Variants in OSBPL1A observed in about 807,000 individuals in gnomAD.
OSBPL1A encodes the protein oxysterol-binding protein-related protein 1.
Under a neutral mutation model 137.1 loss-of-function variants are expected in OSBPL1A, and 80 were observed. That is an observed-to-expected ratio of 0.58 (90% CI 0.49 to 0.70). OSBPL1A has a LOEUF of 0.70. OSBPL1A is among the 30% of genes least tolerant of loss of function. The probability of loss-of-function intolerance (pLI) is 0.00; values close to 1 mark genes in which losing one functional copy is unlikely to be tolerated. For missense variants in OSBPL1A, 970 were observed against 1,129.4 expected, an observed-to-expected ratio of 0.86 and a Z score of 2.02; for synonymous variants, 365 against 389.7, an observed-to-expected ratio of 0.94 and a Z score of 0.75.
intron 15 of OSBPL1A, among the ~76,000 whole-genome samples, chr18:24,239,925 C>CTTTTTTTTTTTT (rs10699940): frequency 1.6e-5 from 2 of 125,624 alleles, no homozygotes; most frequent in Admixed American, 8.9e-5. Flanking sequence ...TCATTTTTCT[C>CTTTTTTTTTTTT]TTTTTTTTTT....
chr18:24,176,095 T>G (rs1490833823), intron 21 of OSBPL1A, among the ~76,000 whole-genome samples: 1 of 152,246 alleles, frequency 6.6e-6, no homozygotes, highest in African/African-American at 2.4e-5. Context: ...ATCAATTCTG[T>G]TCTTCCTTTT....
At chr18:24,257,732 G>A (rs1203344016) in intron 15 of OSBPL1A, among the ~76,000 whole-genome samples, 1 of 152,098 alleles carries the variant, frequency 6.6e-6, no homozygotes, top group Non-Finnish European at 1.5e-5. Flanking sequence ...CTACCCATCT[G>A]ACAAGGGATG....
At chr18:24,204,573 T>A (rs1599487013) in intron 17 of OSBPL1A, among the ~76,000 whole-genome samples, 2 of 135,664 alleles carry the variant, frequency 1.5e-5, no homozygotes, top group South Asian at 4.8e-4. Flanking sequence ...TTTTTTTTTT[T>A]AAACATGATG....
chr18:24,191,397 T>C (rs962742473), intron 18 of OSBPL1A, among the ~76,000 whole-genome samples: 1 of 152,204 alleles, frequency 6.6e-6, no homozygotes, highest in Non-Finnish European at 1.5e-5. Flanking sequence ...TGTCTATTAA[T>C]ATGAGCAAAG....
At chr18:24,380,839 C>T (rs1044574298) in intron 1 of OSBPL1A, among the ~76,000 whole-genome samples, 17 of 151,968 alleles carry the variant, frequency 1.1e-4, no homozygotes, top group African/African-American at 3.9e-4. Flanking sequence ...GTAATCCCAG[C>T]TACTTGGGAG....
chr18:24,377,283 T>C, intron 2 of OSBPL1A, 130 bp downstream of exon 2: 1 of 1,135,148 alleles, frequency 8.8e-7, no homozygotes, highest in East Asian at 2.7e-5. Context: ...TTTCCTCCAA[T>C]CTGTGGGGTT....
rs1347683374 is a variant in OSBPL1A at position 24,225,188 on chromosome 18, G to A, written c.1455C>T (p.Ser485=). ...CTTCCAATCTACTCAGGGACCTTTC[G>A]GACTCGGAATCTGTGGCAGAGCAGG... is the stretch of plus-strand genomic sequence containing the variant. The part of the protein sequence containing the change: ...EFYDALSDSE[S]ERSLSRLEAV... The change falls in exon 17 of 28, where the codon TCC becomes TCT. Residue 485 remains serine, a synonymous_variant. Coordinates refer to ENST00000319481, the MANE Select transcript of OSBPL1A (RefSeq NM_080597.4). 1.4e-5 allele frequency: 22 copies of A among 1,613,826 alleles called. No homozygotes were observed. Among genetic ancestry groups the A allele is most frequent in the Middle Eastern group, 1.6e-4 (1 of 6,084 alleles).
intron 1 of OSBPL1A, among the ~76,000 whole-genome samples, chr18:24,378,911 C>G (rs796822753): frequency 6.6e-6 from 1 of 151,406 alleles, no homozygotes; most frequent in African/African-American, 2.4e-5. Context: ...CCCACCCACT[C>G]TCTCAGTTTT....
intron 14 of OSBPL1A, among the ~76,000 whole-genome samples, chr18:24,301,912 A>G (rs1309380175): frequency 6.6e-6 from 1 of 152,210 alleles, no homozygotes; most frequent in Non-Finnish European, 1.5e-5. Context: ...GAGTTGACTA[A>G]AGGAAACTAA....
intron 17 of OSBPL1A, among the ~76,000 whole-genome samples, chr18:24,198,179 G>A (rs1440079264): frequency 6.6e-6 from 1 of 152,200 alleles, no homozygotes; most frequent in Non-Finnish European, 1.5e-5. Context: ...AAGAGGGAAT[G>A]AGGGCTGTCA....
At chr18:24,361,377 T>C (rs1250910647) in intron 4 of OSBPL1A, among the ~76,000 whole-genome samples, 1 of 152,230 alleles carries the variant, frequency 6.6e-6, no homozygotes, top group Admixed American at 6.5e-5. Context: ...AACTCTTGTT[T>C]ATATGCATTG....
At chr18:24,324,585 AAAACATGAATATGAATAT>A in intron 7 of OSBPL1A, among the ~76,000 whole-genome samples, 1 of 85,042 alleles carries the variant, frequency 1.2e-5, no homozygotes, top group Non-Finnish European at 2.4e-5. Flanking sequence ...ACTCCCAATA[AAAACATGAATATGAATAT>A]AAAAAAAAAA....
At chr18:24,289,287 T>C (rs937903024) in intron 14 of OSBPL1A, among the ~76,000 whole-genome samples, 10 of 152,190 alleles carry the variant, frequency 6.6e-5, no homozygotes, top group Non-Finnish European at 1.3e-4. Flanking sequence ...CCTCAACAAA[T>C]TCTACCTTAC....
chr18:24,269,723 A>G (rs1203676860), intron 15 of OSBPL1A, among the ~76,000 whole-genome samples: 1 of 152,152 alleles, frequency 6.6e-6, no homozygotes, highest in African/African-American at 2.4e-5. Flanking sequence ...CAGGCACTGC[A>G]TTCTATATTG....
chr18:24,196,328 C>G, intron 17 of OSBPL1A, 128 bp from the exon 18 acceptor site: 1 of 636,002 alleles, frequency 1.6e-6, no homozygotes, highest in South Asian at 1.9e-5. Context: ...TCATCACAGA[C>G]AGGGCTAAGC....
intron 7 of OSBPL1A, among the ~76,000 whole-genome samples, chr18:24,328,006 G>A (rs2146135555): frequency 6.8e-6 from 1 of 148,104 alleles, no homozygotes; most frequent in East Asian, 2.0e-4. Flanking sequence ...TCAAGTCTTT[G>A]GCAAACTGGT....
intron 7 of OSBPL1A, among the ~76,000 whole-genome samples, chr18:24,321,238 ACAG>A (rs2090848727): frequency 6.6e-6 from 1 of 152,168 alleles, no homozygotes. Context: ...TTATAGGTGC[ACAG>A]AGTTGTGCAA....
At chr18:24,293,125 A>AAAAAAG (rs200624581) in intron 14 of OSBPL1A, among the ~76,000 whole-genome samples, 3 of 82,098 alleles carry the variant, frequency 3.7e-5, no homozygotes, top group African/African-American at 8.0e-5. Flanking sequence ...AAAAAAAAAA[A>AAAAAAG]AAAGAAAAGA....
At chr18:24,186,386 A>G (rs1376627994) in intron 18 of OSBPL1A, among the ~76,000 whole-genome samples, 1 of 152,184 alleles carries the variant, frequency 6.6e-6, no homozygotes, top group African/African-American at 2.4e-5. Context: ...TAAAATCTGA[A>G]AAAAACAGGT....
Sources: gnomAD v4.1 joint callset for allele counts (sites outside exome capture counted in the v4.1 genomes callset) on GRCh38, gnomAD v4.1.1 for gene constraint, MANE v1.5 for transcripts, NCBI Gene and HGNC (gene_info 2026-07-23, HGNC 2026-07-21) for gene names.